SIM2: variants seen among roughly 807,000 people sequenced by gnomAD.
SIM2 encodes single-minded homolog 2.
In SIM2, 28 loss-of-function variants were observed where a neutral mutation model predicts 64.8. The observed-to-expected ratio is 0.43, with a 90% confidence interval of 0.32 to 0.59. The LOEUF is 0.59. Among genes scored for constraint, SIM2 ranks in the 20% least tolerant of loss-of-function variants. The probability of loss-of-function intolerance (pLI) is 0.07; values close to 1 mark genes in which losing one functional copy is unlikely to be tolerated. For synonymous variants in SIM2, 408 were observed against 391.1 expected (o/e 1.04, Z -0.51); for missense variants, 847 against 871.4 (o/e 0.97, Z 0.35).
intron 2 of SIM2, among the ~76,000 whole-genome samples, chr21:36,711,125 A>G (rs2088670044): frequency 6.6e-6 from 1 of 152,190 alleles, no homozygotes; most frequent in Non-Finnish European, 1.5e-5. Flanking sequence ...AACATTTTCC[A>G]TTAAGAATAT....
rs921210757 is a variant in SIM2 at position 36,699,996 on chromosome 21, C to G, written c.175+75C>G. ...GGCCCAGGCGGGAAGCGCAAGCCAG[C>G]CCGCCCAGAGGGGTTGCCGCGGCCT... On this transcript the variant is annotated intron_variant, in intron 1 of 10. Transcript: ENST00000290399. This position sits in a 1 kb window ranked among gnomAD's most constrained non-coding sequence, Gnocchi z 5.6. 1.4e-6 allele frequency: 2 copies of G among 1,462,276 alleles called. No homozygotes were observed. Among genetic ancestry groups the G allele is most frequent in the African/African-American group, 2.9e-5 (2 of 68,684 alleles). The allele number at this position is 1,462,276 out of a possible 1,614,324, so 90.6% of individuals were successfully genotyped here. A position where few individuals can be genotyped will look rare whatever the true frequency, so the allele number is the denominator to read the frequency against.
intron 5 of SIM2, among the ~76,000 whole-genome samples, chr21:36,725,195 A>T (rs1182551513): frequency 3.3e-5 from 5 of 152,094 alleles, no homozygotes; most frequent in African/African-American, 1.2e-4. Context: ...AAAATTTTTT[A>T]AAAAATTAGC....
chr21:36,723,057 A>G lies in SIM2; in HGVS notation c.470A>G (p.Glu157Gly), dbSNP rs976992307. ...HHHLLQEYEIERSFFLRMKCV... is the reference protein window; with the variant it reads ...HHHLLQEYEIGRSFFLRMKCV... Reference sequence around the variant, plus strand: ...CTCCTGCTTGCAGAGTATGAGATAGAGAGGTCGTTCTTTCTTCGAATGAAA... The same window carrying G: ...CTCCTGCTTGCAGAGTATGAGATAGGGAGGTCGTTCTTTCTTCGAATGAAA... Residue 157 changes from glutamate to glycine, a missense_variant, in exon 5 of 11, where the codon GAG becomes GGG. Physicochemically the swap from Glu to Gly is moderately conservative, Grantham distance 98. Around this residue, in one of 3 missense-constraint regions of SIM2, gnomAD observed 397 missense variants for 439.2 expected, o/e 0.90. Transcript: ENST00000290399. 1.2e-6 allele frequency: 2 copies of G among 1,613,950 alleles called. No individual in the cohort carries two copies. The highest frequency in any genetic ancestry group is 2.7e-5 in the African/African-American group (2 of 74,908).
At chr21:36,743,300 G>C in intron 8 of SIM2, 87 bp from the exon 9 acceptor site, 1 of 1,191,346 alleles carries the variant, frequency 8.4e-7, no homozygotes, top group South Asian at 1.5e-5. Flanking sequence ...GGAGCACTGA[G>C]AACGCCCTGC....
intron 1 of SIM2, among the ~76,000 whole-genome samples, chr21:36,708,443 G>T (rs1277699909): frequency 6.6e-6 from 1 of 152,230 alleles, no homozygotes; most frequent in African/African-American, 2.4e-5. Flanking sequence ...GGAGTCCGGG[G>T]ATCCCTAATT....
chr21:36,741,333 C>A (rs946404163), intron 7 of SIM2, among the ~76,000 whole-genome samples: 5 of 152,234 alleles, frequency 3.3e-5, no homozygotes, highest in African/African-American at 1.2e-4. Flanking sequence ...CTCACCCCCC[C>A]TCCCCATTAA....
chr21:36,731,815 A>G (rs953751151), intron 7 of SIM2, among the ~76,000 whole-genome samples: 4 of 152,206 alleles, frequency 2.6e-5, no homozygotes, highest in Admixed American at 1.3e-4. Flanking sequence ...ATCAGGATAT[A>G]GAGGCGGATG....
At position 36,699,718 on chromosome 21, in the gene SIM2, G is replaced by C. The variant is rs771191955; in HGVS notation, c.-29G>C. On this transcript the variant is annotated 5_prime_UTR_variant, in exon 1 of 11. Transcript: ENST00000290399. The surrounding 1 kb of genome is among the most constrained non-coding windows in gnomAD (Gnocchi z 5.6). ...GGCTCCGCGGGCCTGGAGCACGGCCGGGTCTAATATGCCCGGAGCCGAGGC... is the reference window on the plus strand; with the variant it reads ...GGCTCCGCGGGCCTGGAGCACGGCCCGGTCTAATATGCCCGGAGCCGAGGC... The C allele has an allele frequency of 6.2e-7, 1 of 1,604,382 alleles. No homozygotes were observed. Among genetic ancestry groups the C allele is most frequent in the Non-Finnish European group, 8.5e-7 (1 of 1,175,866 alleles).
chr21:36,721,448 GT>G (rs965322943), intron 4 of SIM2, among the ~76,000 whole-genome samples: 6 of 152,064 alleles, frequency 3.9e-5, no homozygotes, highest in Non-Finnish European at 8.8e-5. Context: ...GTTTTGTTTT[GT>G]TTTTTGGAGT....
At position 36,747,878 on chromosome 21, in the gene SIM2, T is replaced by G. The variant is rs1436674402; in HGVS notation, c.1790T>G (p.Phe597Cys). 4 of 1,065,264 alleles carry G rather than the reference T, an allele frequency of 3.8e-6. No homozygotes were observed. The South Asian group carries it at 7.4e-5, about 20-fold the overall frequency. 66.0% of individuals were successfully genotyped at this position (1,065,264 alleles called of 1,614,324 possible). A position where few individuals can be genotyped will look rare whatever the true frequency, so the allele number is the denominator to read the frequency against. ...CCGGGCGCGCCGGCGCAGCTGCCCTTCGTGCTGCTCAACTACCACCGCGTG... is the reference window on the plus strand; with the variant it reads ...CCGGGCGCGCCGGCGCAGCTGCCCTGCGTGCTGCTCAACTACCACCGCGTG... Reference protein sequence around the residue: ...EAPGAPAQLPFVLLNYHRVLA... With the variant: ...EAPGAPAQLPCVLLNYHRVLA... Residue 597 changes from phenylalanine (F) to cysteine (C), a missense_variant, in exon 11 of 11, where the codon TTC becomes TGC. Physicochemically the swap from Phe to Cys is radical, Grantham distance 205 (BLOSUM62 -2). This residue lies in a region of SIM2 where 447 missense variants were observed against 414.6 expected (regional missense o/e 1.08). Coordinates refer to ENST00000290399, the MANE Select transcript of SIM2 (RefSeq NM_005069.6). The surrounding 1 kb of genome is among the most constrained non-coding windows in gnomAD (Gnocchi z 4.5).
intron 5 of SIM2, among the ~76,000 whole-genome samples, chr21:36,723,928 C>T (rs1334112144): frequency 2.0e-5 from 3 of 152,218 alleles, no homozygotes; most frequent in African/African-American, 7.2e-5. Context: ...GCTCCTTACC[C>T]TCCTCCCAGG....
intron 1 of SIM2, among the ~76,000 whole-genome samples, chr21:36,701,035 C>G (rs1370187449): frequency 6.6e-6 from 1 of 152,222 alleles, no homozygotes; most frequent in East Asian, 1.9e-4. Context: ...CGTTCCGGGC[C>G]GCGTCTTCCA....
At chr21:36,740,391 G>C (rs1459473176) in intron 7 of SIM2, among the ~76,000 whole-genome samples, 1 of 152,200 alleles carries the variant, frequency 6.6e-6, no homozygotes, top group Non-Finnish European at 1.5e-5. Flanking sequence ...ATCTGCCTTT[G>C]AGTTAAACAA....
In SIM2 at chr21:36,747,636, G is replaced by A. The variant is rs751613658; in HGVS notation, c.1577-29G>A. ...GGTGGCTGCGGCCGCGCCCCTTGCTGCCCTCTAACGTGTCGCCTGTCCCCG... is the reference window on the plus strand; with the variant it reads ...GGTGGCTGCGGCCGCGCCCCTTGCTACCCTCTAACGTGTCGCCTGTCCCCG... On this transcript the variant is annotated intron_variant, in intron 10 of 10. Transcript: ENST00000290399. This position sits in a 1 kb window ranked among gnomAD's most constrained non-coding sequence, Gnocchi z 4.5. 14 of 1,210,862 alleles carry A rather than the reference G, an allele frequency of 1.2e-5. No homozygotes were observed. In the South Asian group the frequency reaches 4.7e-4, roughly 40 times the overall value. The allele number at this position is 1,210,862 out of a possible 1,614,324, so 75.0% of individuals were successfully genotyped here. A position where few individuals can be genotyped will look rare whatever the true frequency, so the allele number is the denominator to read the frequency against.
intron 7 of SIM2, among the ~76,000 whole-genome samples, chr21:36,736,802 T>C (rs2089058894): frequency 6.6e-6 from 1 of 150,672 alleles, no homozygotes; most frequent in African/African-American, 2.5e-5. Context: ...TCTTTTTCTT[T>C]CTGTCTTTCC....
At chr21:36,709,510 T>A (rs1039700161) in intron 2 of SIM2, 88 of 638,028 alleles carry the variant, frequency 1.4e-4, no homozygotes, top group Non-Finnish European at 1.2e-5. Flanking sequence ...ACCTGAGACC[T>A]ACGCCAGGGG....
At chr21:36,729,780 C>A (rs1387516753) in intron 6 of SIM2, among the ~76,000 whole-genome samples, 1 of 152,150 alleles carries the variant, frequency 6.6e-6, no homozygotes, top group Non-Finnish European at 1.5e-5. Flanking sequence ...TGGTGCCCGG[C>A]CCCATTGCCC....
At chr21:36,713,566 A>G (rs573695237) in intron 3 of SIM2, among the ~76,000 whole-genome samples, 2 of 152,368 alleles carry the variant, frequency 1.3e-5, no homozygotes, top group East Asian at 3.9e-4. Context: ...TGATAGATAC[A>G]GAGGATGGGT....
Position 36,748,198 on chromosome 21 carries a change from T to A in SIM2, c.*106T>A. 1 of 480,182 alleles carries A rather than the reference T, an allele frequency of 2.1e-6. No homozygotes were observed. The highest frequency in any genetic ancestry group is 2.8e-6 in the Non-Finnish European group (1 of 354,596). The allele number at this position is 480,182 out of a possible 1,614,324, so 29.7% of individuals were successfully genotyped here. On this transcript the variant is annotated 3_prime_UTR_variant, in exon 11 of 11. Transcript: ENST00000290399. ...CTACATTAATTTATGCAGAGACAGC[T>A]GTTTGAATTGGACCCCGCCGCCGAC...
Sources: allele counts gnomAD v4.1 joint callset (sites outside exome capture counted in the v4.1 genomes callset), GRCh38; gene constraint gnomAD v4.1.1; regional missense constraint gnomAD v4.1.1; non-coding constraint Gnocchi (gnomAD v3.1); transcripts MANE v1.5; gene names NCBI Gene and HGNC (gene_info 2026-07-23, HGNC 2026-07-21).